The following TNIK variants were observed in gnomAD, a reference collection of about 807,000 sequenced individuals.
TNIK encodes the protein TRAF2 and NCK-interacting protein kinase.
A neutral mutation model predicts 191.3 loss-of-function variants in TNIK; 49 were observed. The observed-to-expected ratio is 0.26, with a 90% CI of 0.20 to 0.32. The LOEUF is 0.32. Among genes scored for constraint, TNIK ranks in the 10% least tolerant of loss-of-function variants. The pLI is 1.00. For missense variants in TNIK, 1,155 were observed against 1,702.3 expected, an observed-to-expected ratio of 0.68 and a Z score of 5.66; for synonymous variants, 594 against 600.9, an observed-to-expected ratio of 0.99 and a Z score of 0.17.
At chr3:171,225,213 GA>G (rs1415078046) in intron 3 of TNIK, among the ~76,000 whole-genome samples, 1 of 152,148 alleles carries the variant, frequency 6.6e-6, no homozygotes, top group Admixed American at 6.5e-5. Context: ...TGGCAAAATA[GA>G]ATAGACTGTC....
Position 171,336,402 on chromosome 3 carries a change from G to A in TNIK, c.123+33218C>T, listed in dbSNP as rs556313722. On this transcript the variant is annotated intron_variant, in intron 2 of 32. Transcript: ENST00000436636. Reference sequence around the variant, plus strand: ...AAATTAGGTCTGTGTTTCATTTTCAGTGTTTTTGTCTCCCTCCTCTCTCTC... The same window carrying A: ...AAATTAGGTCTGTGTTTCATTTTCAATGTTTTTGTCTCCCTCCTCTCTCTC... Among the ~76,000 whole-genome samples, 9 of 152,192 alleles carry A rather than the reference G, an allele frequency of 5.9e-5. No homozygotes were observed. The South Asian group carries it at 1.2e-3, about 21-fold the overall frequency.
intron 1 of TNIK, among the ~76,000 whole-genome samples, chr3:171,397,790 T>C (rs1560020763): frequency 6.6e-6 from 1 of 152,236 alleles, no homozygotes; most frequent in Non-Finnish European, 1.5e-5. Flanking sequence ...GATATTAGTA[T>C]GTAGAGTTTA....
At chr3:171,080,660 A>G (rs1720557108) in intron 27 of TNIK, among the ~76,000 whole-genome samples, 1 of 152,104 alleles carries the variant, frequency 6.6e-6, no homozygotes, top group South Asian at 2.1e-4. Flanking sequence ...GCTGGTCTGG[A>G]ATTCCTGACC....
At chr3:171,337,313 T>C (rs1425748818) in intron 2 of TNIK, among the ~76,000 whole-genome samples, 1 of 152,202 alleles carries the variant, frequency 6.6e-6, no homozygotes, top group Admixed American at 6.5e-5. Flanking sequence ...AGTGATAGTC[T>C]GTGCTTCCTG....
chr3:171,179,704 C>G (rs898076637), intron 7 of TNIK, among the ~76,000 whole-genome samples: 2 of 152,190 alleles, frequency 1.3e-5, no homozygotes, highest in Non-Finnish European at 2.9e-5. Context: ...CCTGCCTCAG[C>G]CTCCCAAAGT....
chr3:171,300,473 C>T (rs1052548874), intron 2 of TNIK, among the ~76,000 whole-genome samples: 1 of 152,062 alleles, frequency 6.6e-6, no homozygotes, highest in African/African-American at 2.4e-5. Flanking sequence ...GAAAGGAGAA[C>T]ATCCTTTCCT....
chr3:171,066,977 A>G (rs1002240903), intron 30 of TNIK, among the ~76,000 whole-genome samples: 5 of 152,146 alleles, frequency 3.3e-5, no homozygotes, highest in Non-Finnish European at 7.3e-5. Context: ...CACACCTACT[A>G]TGTGCCAGTC....
rs1406087257 is a variant in TNIK at position 171,119,879 on chromosome 3, A to G, written c.2120+3717T>C. ...GAGTTAATGGGTGCAGCACACCAACATGGCACATGTATACATATGTAACAA... is the reference window on the plus strand; with the variant it reads ...GAGTTAATGGGTGCAGCACACCAACGTGGCACATGTATACATATGTAACAA... On this transcript the variant is annotated intron_variant, in intron 18 of 32. Coordinates refer to ENST00000436636, the MANE Select transcript of TNIK (RefSeq NM_015028.4). Among the ~76,000 whole-genome samples, 5 of 152,286 alleles carry G rather than the reference A, an allele frequency of 3.3e-5. No homozygotes were observed. In the South Asian group the frequency reaches 6.2e-4, roughly 19 times the overall value.
At chr3:171,263,764 G>A (rs976422201) in intron 2 of TNIK, among the ~76,000 whole-genome samples, 24 of 151,904 alleles carry the variant, frequency 1.6e-4, no homozygotes, top group Admixed American at 8.5e-4. Context: ...GGCCAGCCAG[G>A]TAAGGGGTGC....
chr3:171,120,522 T>A (rs958584739), intron 18 of TNIK, among the ~76,000 whole-genome samples: 1 of 152,118 alleles, frequency 6.6e-6, no homozygotes, highest in Non-Finnish European at 1.5e-5. Context: ...GGTTTCACCG[T>A]GTTAGCCAGG....
intron 1 of TNIK, among the ~76,000 whole-genome samples, chr3:171,438,654 A>G (rs139907715): frequency 2.2e-3 from 338 of 152,364 alleles, no homozygotes; most frequent in African/African-American, 7.8e-3. Flanking sequence ...TGAACAGAGC[A>G]AGGCAGAAAA....
rs200688648 is a variant in TNIK at position 171,082,235 on chromosome 3, C to G, written c.3313+16G>C. 1 of 1,609,782 alleles carries G rather than the reference C, an allele frequency of 6.2e-7. No individual in the cohort carries two copies. The highest frequency in any genetic ancestry group is 1.3e-5 in the African/African-American group (1 of 74,980). On this transcript the variant is annotated intron_variant, in intron 27 of 32. Coordinates refer to ENST00000436636, the MANE Select transcript of TNIK (RefSeq NM_015028.4). ...CGCTGTATGGACCTGGGGGACTCAT[C>G]ATCTTAGTAACATACCTGAAATTGT...
At chr3:171,426,444 T>C (rs910067289) in intron 1 of TNIK, among the ~76,000 whole-genome samples, 4 of 148,186 alleles carry the variant, frequency 2.7e-5, no homozygotes, top group South Asian at 2.2e-4. Flanking sequence ...TTAGGAGATA[T>C]ACCTAATGTA....
In TNIK at chr3:171,335,754, C is replaced by A. The variant is rs541481024; in HGVS notation, c.123+33866G>T. On this transcript the variant is annotated intron_variant, in intron 2 of 32. Transcript: ENST00000436636. ...CATTCAATACAGATCTTGGTACTGG[C>A]GTGTGTTTTATTTCTCCTGGGTAAA... is the stretch of plus-strand genomic sequence containing the variant. Among the ~76,000 whole-genome samples, 18 of 152,190 alleles carry A rather than the reference C, an allele frequency of 1.2e-4. No individual in the cohort carries two copies. In the South Asian group the frequency reaches 3.7e-3, roughly 32 times the overall value.
Position 171,223,295 on chromosome 3 carries a change from G to A in TNIK, c.180+4870C>T, listed in dbSNP as rs553846828. 1.7e-4 allele frequency among the ~76,000 whole-genome samples: 26 copies of A among 152,202 alleles called. No individual in the cohort carries two copies. The South Asian group carries it at 4.6e-3, about 27-fold the overall frequency. On this transcript the variant is annotated intron_variant, in intron 3 of 32. Transcript: ENST00000436636. ...AGTTCCGACAAACTTTACAAGTAAC[G>A]TTATTTACACATTCTACAGCCTTGT...
At chr3:171,293,510 G>T (rs1751922673) in intron 2 of TNIK, among the ~76,000 whole-genome samples, 1 of 152,146 alleles carries the variant, frequency 6.6e-6, no homozygotes, top group South Asian at 2.1e-4. Flanking sequence ...CAACTCTTCT[G>T]ATTCTGCCAA....
At chr3:171,389,051 C>T (rs773675648) in intron 1 of TNIK, among the ~76,000 whole-genome samples, 2 of 152,136 alleles carry the variant, frequency 1.3e-5, no homozygotes, top group Non-Finnish European at 2.9e-5. Context: ...CTGACATGAA[C>T]TCTCTAAGGT....
At chr3:171,134,738 C>T (rs1729740732) in intron 15 of TNIK, among the ~76,000 whole-genome samples, 1 of 152,102 alleles carries the variant, frequency 6.6e-6, no homozygotes, top group Admixed American at 6.5e-5. Context: ...CTACAATATC[C>T]AACATATTAA....
intron 2 of TNIK, among the ~76,000 whole-genome samples, chr3:171,279,640 C>T (rs1414845994): frequency 1.3e-5 from 2 of 152,122 alleles, no homozygotes; most frequent in African/African-American, 2.4e-5. Flanking sequence ...CTGCTCTATC[C>T]AAGGCAACTA....
Sources: allele counts gnomAD v4.1 joint callset (sites outside exome capture counted in the v4.1 genomes callset), GRCh38; gene constraint gnomAD v4.1.1; transcripts MANE v1.5; gene names NCBI Gene and HGNC (gene_info 2026-07-23, HGNC 2026-07-21).